CREM: variants seen among roughly 807,000 people sequenced by gnomAD.
CREM encodes the protein cAMP-responsive element modulator.
A neutral mutation model predicts 37.3 loss-of-function variants in CREM; 13 were observed. That is an observed-to-expected ratio of 0.35 (90% confidence interval 0.23 to 0.55). The LOEUF is 0.55. Ranked by LOEUF, CREM falls within the 20% of genes least tolerant of loss-of-function variation. CREM has a pLI of 0.88. For synonymous variants in CREM, 124 were observed against 120.2 expected (o/e 1.03, Z -0.21); for missense variants, 296 against 362.3 (o/e 0.82, Z 1.49).
At chr10:35,171,561 C>G (rs2093823077) in intron 3 of CREM, among the ~76,000 whole-genome samples, 1 of 152,018 alleles carries the variant, frequency 6.6e-6, no homozygotes, top group Admixed American at 6.6e-5. Flanking sequence ...TATCAGATGC[C>G]CATGAATCTT....
At chr10:35,183,178 A>C (rs1399538939) in intron 5 of CREM, among the ~76,000 whole-genome samples, 1 of 152,054 alleles carries the variant, frequency 6.6e-6, no homozygotes, top group Non-Finnish European at 1.5e-5. Flanking sequence ...TTTTACGAGG[A>C]ATCTTATTAG....
chr10:35,206,258 AAAT>A (rs2095519802), intron 6 of CREM, among the ~76,000 whole-genome samples: 2 of 150,848 alleles, frequency 1.3e-5, no homozygotes, highest in Non-Finnish European at 1.5e-5. Flanking sequence ...AAAAAAAAAA[AAAT>A]ATGTGTGTGT....
chr10:35,160,770 C>T (rs1267959482), intron 3 of CREM, among the ~76,000 whole-genome samples: 2 of 152,158 alleles, frequency 1.3e-5, no homozygotes, highest in Non-Finnish European at 2.9e-5. Context: ...GCTGTGTAAA[C>T]CTTTTCTGTG....
At chr10:35,200,338 G>A (rs1325310086) in intron 6 of CREM, among the ~76,000 whole-genome samples, 2 of 152,036 alleles carry the variant, frequency 1.3e-5, no homozygotes, top group Non-Finnish European at 1.5e-5. Flanking sequence ...ACTTTAAAAG[G>A]TCCCTTATGT....
At chr10:35,191,085 T>TA (rs1382285367) in intron 6 of CREM, among the ~76,000 whole-genome samples, 49 of 107,820 alleles carry the variant, frequency 4.5e-4, no homozygotes, top group African/African-American at 9.5e-4. Context: ...AACATTTTTC[T>TA]TTTTATTTAT....
chr10:35,136,616 A>G (rs1182596209), intron 1 of CREM, among the ~76,000 whole-genome samples: 1 of 152,118 alleles, frequency 6.6e-6, no homozygotes, highest in East Asian at 1.9e-4. Context: ...CCTGCTGCCT[A>G]CAGTTCCAAA....
At chr10:35,187,192 TTAATATA>T (rs1241913489) in intron 5 of CREM, among the ~76,000 whole-genome samples, 4 of 73,274 alleles carry the variant, frequency 5.5e-5, no homozygotes, top group Non-Finnish European at 7.8e-5. Flanking sequence ...TATAAATATA[TTAATATA>T]TAATATATAT....
chr10:35,175,637 G>C (rs1490312661), intron 3 of CREM: 2 of 1,606,612 alleles, frequency 1.2e-6, no homozygotes, highest in Non-Finnish European at 1.7e-6. Context: ...AAGCGATAAG[G>C]AGCATGTGTT....
chr10:35,198,291 A>G (rs907791232), intron 6 of CREM, among the ~76,000 whole-genome samples: 1 of 151,936 alleles, frequency 6.6e-6, no homozygotes, highest in Admixed American at 6.6e-5. Flanking sequence ...TTGGGAGGCC[A>G]AGGCGGGCGG....
intron 3 of CREM, chr10:35,167,946 A>G (rs980002314): frequency 4.8e-4 from 341 of 709,510 alleles, no homozygotes; most frequent in Non-Finnish European, 5.6e-4. Context: ...ATGATTTCCA[A>G]TTTCATCCAT....
chr10:35,191,502 A>G (rs1414578118), intron 6 of CREM, among the ~76,000 whole-genome samples: 1 of 151,992 alleles, frequency 6.6e-6, no homozygotes, highest in African/African-American at 2.4e-5. Context: ...GCCAGTGGGC[A>G]TTCTTGTCTT....
intron 1 of CREM, chr10:35,127,550 AG>A (rs1482115859): frequency 6.6e-6 from 1 of 152,380 alleles, no homozygotes; most frequent in African/African-American, 2.4e-5. Flanking sequence ...AACTCGGAAA[AG>A]GAAAAGGAAT....
At chr10:35,202,000 C>T (rs1161504504) in intron 6 of CREM, among the ~76,000 whole-genome samples, 1 of 152,110 alleles carries the variant, frequency 6.6e-6, no homozygotes, top group East Asian at 1.9e-4. Flanking sequence ...GTGCTAGATT[C>T]TAGGGGTTTC....
chr10:35,206,947 G>A lies in CREM; in HGVS notation c.651G>A (p.Leu217=), dbSNP rs754027057. 3.1e-6 allele frequency: 5 copies of A among 1,613,992 alleles called. No homozygotes were observed. Among genetic ancestry groups the A allele is most frequent in the Non-Finnish European group, 4.2e-6 (5 of 1,180,012 alleles). The change falls in exon 7 of 8, where the codon TTG becomes TTA. Residue 217 remains leucine, a synonymous_variant. Transcript: ENST00000685392. The stretch of plus-strand genomic sequence containing the variant: ...AGATCCGAGCTCCTACTGCTGCTTT[G>A]CCACAGGGAGTGGTGATGGCTGCAT... The part of the protein sequence containing the change: ...TYQIRAPTAA[L]PQGVVMAASP...
chr10:35,207,095 T>G (rs1565005928), intron 7 of CREM, 44 bp downstream of exon 7: 2 of 1,583,338 alleles, frequency 1.3e-6, no homozygotes, highest in South Asian at 2.2e-5. Context: ...GGACACTTTT[T>G]AAAAATTACA....
chr10:35,171,784 A>G (rs1360836315), intron 3 of CREM, among the ~76,000 whole-genome samples: 1 of 152,236 alleles, frequency 6.6e-6, no homozygotes, highest in East Asian at 1.9e-4. Context: ...AGAGTAAAAC[A>G]TTGAGAGCCA....
At chr10:35,152,621 G>A (rs182439877) in intron 3 of CREM, among the ~76,000 whole-genome samples, 15 of 152,294 alleles carry the variant, frequency 9.8e-5, no homozygotes, top group African/African-American at 3.6e-4. Context: ...TTTAATGGAA[G>A]CTGGTATCTT....
intron 3 of CREM, chr10:35,152,263 T>C (rs1204343734): frequency 6.6e-6 from 1 of 152,242 alleles, no homozygotes; most frequent in African/African-American, 2.4e-5. Flanking sequence ...TTGTTTTGAT[T>C]GTCCTGGCCT....
intron 6 of CREM, among the ~76,000 whole-genome samples, chr10:35,204,263 C>T (rs1250468252): frequency 6.6e-6 from 1 of 152,134 alleles, no homozygotes; most frequent in African/African-American, 2.4e-5. Context: ...GTCACAAAAA[C>T]AAATTTAGGA....
Sources: allele counts gnomAD v4.1 joint callset (sites outside exome capture counted in the v4.1 genomes callset), GRCh38; gene constraint gnomAD v4.1.1; transcripts MANE v1.5; gene names NCBI Gene and HGNC (gene_info 2026-07-23, HGNC 2026-07-21).